FLYWCH2: variants seen among roughly 807,000 people sequenced by gnomAD.
FLYWCH2 encodes FLYWCH family member 2.
Under a neutral mutation model 6.0 loss-of-function variants are expected in FLYWCH2, and 2 were observed. The observed-to-expected ratio is 0.33, with a 90% CI of 0.14 to 1.04. The LOEUF is 1.04. Ranked by LOEUF, FLYWCH2 falls within the 50% of genes least tolerant of loss-of-function variation. The pLI is 0.45. For synonymous variants in FLYWCH2, 87 were observed against 79.3 expected, an observed-to-expected ratio of 1.10 and a Z score of -0.52; for missense variants, 192 against 183.4, an observed-to-expected ratio of 1.05 and a Z score of -0.27.
At chr16:2,888,103 G>A (rs538534643) in intron 1 of FLYWCH2, among the ~76,000 whole-genome samples, 3 of 152,078 alleles carry the variant, frequency 2.0e-5, no homozygotes, top group East Asian at 1.9e-4. Context: ...CCGCCTCCCG[G>A]GTTCTAGCAA....
intron 1 of FLYWCH2, among the ~76,000 whole-genome samples, chr16:2,890,798 C>G (rs1204589105): frequency 6.6e-6 from 1 of 152,032 alleles, no homozygotes; most frequent in African/African-American, 2.4e-5. Context: ...ACCTCTTGAC[C>G]TAAAGTAATC....
chr16:2,885,349 A>G (rs2150842018), intron 1 of FLYWCH2, among the ~76,000 whole-genome samples: 1 of 151,214 alleles, frequency 6.6e-6, no homozygotes, highest in African/African-American at 2.4e-5. Flanking sequence ...AAAAAAATAT[A>G]CAGTTCAGTG....
Position 2,896,495 on chromosome 16 carries a change from G to T in FLYWCH2, c.46G>T (p.Ala16Ser), listed in dbSNP as rs370363693. The change falls in exon 3 of 4, where the codon GCC becomes TCC. Residue 16 changes from alanine to serine, a missense_variant. Ala to Ser is a moderately conservative substitution (Grantham distance 99). Coordinates refer to ENST00000396958, the MANE Select transcript of FLYWCH2 (RefSeq NM_138439.3). ...PSEQEGESVK[A>S]SQEPSPKPGT... is the part of the protein sequence containing the mutation. Reference sequence around the variant, plus strand: ...CGAGCAGGAGGGTGAGAGTGTGAAGGCCAGCCAGGAGCCATCCCCCAAGCC... The same window carrying T: ...CGAGCAGGAGGGTGAGAGTGTGAAGTCCAGCCAGGAGCCATCCCCCAAGCC... 4.3e-6 allele frequency: 7 copies of T among 1,614,006 alleles called. No homozygotes were observed. Among genetic ancestry groups the T allele is most frequent in the African/African-American group, 4.0e-5 (3 of 75,044 alleles).
intron 1 of FLYWCH2, among the ~76,000 whole-genome samples, chr16:2,892,084 C>T (rs935670257): frequency 1.1e-4 from 16 of 151,456 alleles, no homozygotes; most frequent in African/African-American, 3.6e-4. Context: ...CCCAGCTACT[C>T]GGGAGGCTGA....
In FLYWCH2 at chr16:2,892,425, G is replaced by A. The variant is rs541002873; in HGVS notation, c.-199-2795G>A. 1.2e-4 allele frequency among the ~76,000 whole-genome samples: 18 copies of A among 152,120 alleles called. No homozygotes were observed. In the Middle Eastern group the frequency reaches 0.01, roughly 86 times the overall value. ...ACAGGAGAATATCTTCAACCCAGGAGGCAGAAGTTGCAGTGAGCCAAGATC... is the reference window on the plus strand; with the variant it reads ...ACAGGAGAATATCTTCAACCCAGGAAGCAGAAGTTGCAGTGAGCCAAGATC... On this transcript the variant is annotated intron_variant, in intron 1 of 3. Transcript: ENST00000396958.
chr16:2,890,299 A>G (rs1363620961), intron 1 of FLYWCH2, among the ~76,000 whole-genome samples: 2 of 149,694 alleles, frequency 1.3e-5, no homozygotes, highest in African/African-American at 5.0e-5. Context: ...CCCAGGCTGG[A>G]GTGCAGTGGT....
intron 3 of FLYWCH2, chr16:2,897,010 G>A: frequency 1.7e-6 from 1 of 580,644 alleles, no homozygotes; most frequent in South Asian, 2.1e-5. Context: ...GGAATGCGCT[G>A]CCTACTGGCT....
intron 3 of FLYWCH2, among the ~76,000 whole-genome samples, chr16:2,897,966 G>T (rs915830726): frequency 6.6e-6 from 1 of 152,096 alleles, no homozygotes; most frequent in Non-Finnish European, 1.5e-5. Context: ...CTGAACAGGT[G>T]GTCCCCTGGG....
At chr16:2,894,424 G>A (rs899438509) in intron 1 of FLYWCH2, among the ~76,000 whole-genome samples, 14 of 152,162 alleles carry the variant, frequency 9.2e-5, no homozygotes, top group African/African-American at 3.4e-4. Context: ...TGGGGAGATC[G>A]GCCGCCAGAG....
chr16:2,899,132 C>T lies in FLYWCH2; in HGVS notation c.406C>T (p.Pro136Ser). 1.7e-5 allele frequency: 27 copies of T among 1,613,208 alleles called. No homozygotes were observed. Among genetic ancestry groups the T allele is most frequent in the Non-Finnish European group, 2.3e-5 (27 of 1,179,622 alleles). ...GENFAPCSVA[P>S]GKSL ...GAACTTTGCCCCCTGCTCTGTGGCGCCCGGCAAGTCCCTGTAACCTTGACA... is the reference window on the plus strand; with the variant it reads ...GAACTTTGCCCCCTGCTCTGTGGCGTCCGGCAAGTCCCTGTAACCTTGACA... Residue 136 changes from proline to serine, a missense_variant, in exon 4 of 4, where the codon CCC becomes TCC. Physicochemically the swap from Pro to Ser is moderately conservative, Grantham distance 74. Coordinates refer to ENST00000396958, the MANE Select transcript of FLYWCH2 (RefSeq NM_138439.3).
chr16:2,890,439 C>T (rs2069743994), intron 1 of FLYWCH2, among the ~76,000 whole-genome samples: 1 of 144,146 alleles, frequency 6.9e-6, no homozygotes. Flanking sequence ...TTTGAGACAA[C>T]GTTCTGCTCT....
intron 1 of FLYWCH2, among the ~76,000 whole-genome samples, chr16:2,890,581 ATT>A (rs1312928578): frequency 3.2e-5 from 4 of 123,178 alleles, no homozygotes; most frequent in Non-Finnish European, 3.8e-5. Context: ...CGCCCGGCCA[ATT>A]TTTTTTTTTT....
At chr16:2,896,937 C>A in intron 3 of FLYWCH2, 166 bp downstream of exon 3, 2 of 689,390 alleles carry the variant, frequency 2.9e-6, no homozygotes, top group Non-Finnish European at 2.4e-6. Context: ...CAGGCCTGGG[C>A]ATCCGCCGAC....
intron 1 of FLYWCH2, among the ~76,000 whole-genome samples, chr16:2,891,333 G>A (rs2069754838): frequency 6.6e-6 from 1 of 152,224 alleles, no homozygotes; most frequent in African/African-American, 2.4e-5. Context: ...GCTCTGGGCA[G>A]ATCACTTCTG....
At chr16:2,896,995 A>G (rs1364784982) in intron 3 of FLYWCH2, 3 of 585,888 alleles carry the variant, frequency 5.1e-6, no homozygotes, top group Non-Finnish European at 9.0e-6. Flanking sequence ...TCTGTTCCCC[A>G]CTCTGGAATG....
intron 2 of FLYWCH2, among the ~76,000 whole-genome samples, chr16:2,895,904 A>G (rs191159451): frequency 5.9e-4 from 90 of 152,052 alleles, no homozygotes; most frequent in East Asian, 2.5e-3. Flanking sequence ...CATCTCTGCC[A>G]CTCTGTGGCC....
intron 1 of FLYWCH2, among the ~76,000 whole-genome samples, chr16:2,889,065 T>C (rs748187358): frequency 1.3e-5 from 2 of 151,938 alleles, no homozygotes; most frequent in African/African-American, 2.4e-5. Context: ...ATAAAAATGA[T>C]TCATAAAACA....
intron 1 of FLYWCH2, among the ~76,000 whole-genome samples, chr16:2,893,148 T>C (rs1046917977): frequency 6.6e-6 from 1 of 151,982 alleles, no homozygotes; most frequent in Non-Finnish European, 1.5e-5. Context: ...CGGAACCCTC[T>C]CCTTTTGGGT....
intron 1 of FLYWCH2, among the ~76,000 whole-genome samples, chr16:2,890,756 G>A (rs1339635747): frequency 6.6e-6 from 1 of 151,978 alleles, no homozygotes; most frequent in African/African-American, 2.4e-5. Flanking sequence ...TACTGGAGAC[G>A]GAGTTTAGCC....
Sources: gnomAD v4.1 joint callset for allele counts (sites outside exome capture counted in the v4.1 genomes callset) on GRCh38, gnomAD v4.1.1 for gene constraint, MANE v1.5 for transcripts, NCBI Gene and HGNC (gene_info 2026-07-23, HGNC 2026-07-21) for gene names.